ST8SIA4: variants seen among roughly 807,000 people sequenced by gnomAD.
ST8SIA4 encodes ST8 alpha-N-acetyl-neuraminide alpha-2,8-sialyltransferase 4, also known as CMP-N-acetylneuraminate-poly-alpha-2,8-sialyltransferase.
ST8SIA4 carries 15 observed loss-of-function variants against 33.9 expected under a neutral mutation model. That is an observed-to-expected ratio of 0.44 (90% CI 0.30 to 0.68). The LOEUF (loss-of-function observed/expected upper bound fraction) is 0.68. ST8SIA4 is among the 30% of genes least tolerant of loss of function. ST8SIA4 has a pLI of 0.10. For synonymous variants in ST8SIA4, 171 were observed against 151.2 expected (o/e 1.13, Z -0.96); for missense variants, 321 against 428.0 (o/e 0.75, Z 2.21).
intron 3 of ST8SIA4, chr5:100,885,390 T>G (rs1259782292): frequency 4.3e-6 from 4 of 933,762 alleles, no homozygotes; most frequent in Non-Finnish European, 5.1e-6. Flanking sequence ...TTCTCATGAC[T>G]TTTTTTTTAA....
chr5:100,811,773 T>G lies in ST8SIA4; in HGVS notation c.*74A>C. 8.3e-6 allele frequency: 12 copies of G among 1,451,458 alleles called. No individual in the cohort carries two copies. The highest frequency in any genetic ancestry group is 6.5e-6 in the Non-Finnish European group (7 of 1,079,014). The allele number at this position is 1,451,458 out of a possible 1,614,324, so 89.9% of individuals were successfully genotyped here. ...TGGTGGATGCTGAAACCCAGCCGTG[T>G]TTTGGATCCTATTTTCAAATCTTCG... On this transcript the variant is annotated 3_prime_UTR_variant, in exon 5 of 5. Coordinates refer to ENST00000231461, the MANE Select transcript of ST8SIA4 (RefSeq NM_005668.6).
At chr5:100,821,921 A>T (rs1401907850) in intron 4 of ST8SIA4, among the ~76,000 whole-genome samples, 1 of 152,240 alleles carries the variant, frequency 6.6e-6, no homozygotes, top group Non-Finnish European at 1.5e-5. Flanking sequence ...TTGAACACTC[A>T]GACAAGGGCT....
At chr5:100,829,736 C>T (rs1035870248) in intron 4 of ST8SIA4, among the ~76,000 whole-genome samples, 2 of 151,940 alleles carry the variant, frequency 1.3e-5, no homozygotes, top group Non-Finnish European at 2.9e-5. Context: ...GGTGAAACCC[C>T]GTCTCTACTA....
intron 3 of ST8SIA4, among the ~76,000 whole-genome samples, chr5:100,880,016 A>G (rs1172349077): frequency 6.6e-6 from 1 of 152,138 alleles, no homozygotes; most frequent in Non-Finnish European, 1.5e-5. Context: ...ATAAGGGATT[A>G]TCATTCATGC....
intron 4 of ST8SIA4, among the ~76,000 whole-genome samples, chr5:100,837,664 G>A (rs1751390920): frequency 6.6e-6 from 1 of 151,886 alleles, no homozygotes; most frequent in African/African-American, 2.4e-5. Context: ...TGGGCATGGT[G>A]GGAGTATTTA....
At position 100,853,196 on chromosome 5, in the gene ST8SIA4, C is replaced by T. The variant is rs114395485; in HGVS notation, c.797+2907G>A. Among the ~76,000 whole-genome samples, 1,150 of 152,246 alleles carry T rather than the reference C, an allele frequency of 7.6e-3. 8 individuals carry two copies. The highest frequency in any genetic ancestry group is 0.022 in the African/African-American group (931 of 41,550). On this transcript the variant is annotated intron_variant, in intron 4 of 4. Coordinates refer to ENST00000231461, the MANE Select transcript of ST8SIA4 (RefSeq NM_005668.6). ...ACAAAAATCATTTTTGTTTCATCAG[C>T]GCTCACACTTCCTTATTTTCATTTA... is the stretch of plus-strand genomic sequence containing the variant.
chr5:100,835,260 C>G (rs1266142453), intron 4 of ST8SIA4, among the ~76,000 whole-genome samples: 1 of 152,062 alleles, frequency 6.6e-6, no homozygotes, highest in East Asian at 1.9e-4. Flanking sequence ...AATCAATTTT[C>G]CATGGAATTG....
intron 4 of ST8SIA4, among the ~76,000 whole-genome samples, chr5:100,826,008 CTCTTT>C (rs1447714503): frequency 6.6e-6 from 1 of 152,148 alleles, no homozygotes; most frequent in East Asian, 1.9e-4. Flanking sequence ...TCATTTCTTT[CTCTTT>C]TAACATTTCA....
chr5:100,859,308 A>G (rs756162354), intron 3 of ST8SIA4, among the ~76,000 whole-genome samples: 2 of 152,112 alleles, frequency 1.3e-5, no homozygotes, highest in Non-Finnish European at 2.9e-5. Context: ...TGAGTAATAC[A>G]TGATACTCAT....
chr5:100,831,113 C>T (rs910817870), intron 4 of ST8SIA4, among the ~76,000 whole-genome samples: 1 of 152,192 alleles, frequency 6.6e-6, no homozygotes, highest in Non-Finnish European at 1.5e-5. Flanking sequence ...TAATTAGTTA[C>T]ATTATATAAT....
chr5:100,833,366 T>G (rs1389391981), intron 4 of ST8SIA4, among the ~76,000 whole-genome samples: 2 of 152,118 alleles, frequency 1.3e-5, no homozygotes, highest in Non-Finnish European at 2.9e-5. Flanking sequence ...CTCAAATTAT[T>G]TTACTCAATT....
At chr5:100,855,390 TGATCAGCTCTTCATTTTTGA>T in intron 4 of ST8SIA4, among the ~76,000 whole-genome samples, 1 of 152,198 alleles carries the variant, frequency 6.6e-6, no homozygotes, top group East Asian at 1.9e-4. Flanking sequence ...TTAAAGGTAG[TGATCAGCTCTTCATTTTTGA>T]AGCTACAGTA....
At chr5:100,869,515 T>C (rs1478716133) in intron 3 of ST8SIA4, among the ~76,000 whole-genome samples, 2 of 152,156 alleles carry the variant, frequency 1.3e-5, no homozygotes, top group Non-Finnish European at 2.9e-5. Context: ...TCCTCTAATA[T>C]CTTCCTCACT....
chr5:100,886,913 A>G (rs1752550467), intron 2 of ST8SIA4, among the ~76,000 whole-genome samples: 1 of 152,136 alleles, frequency 6.6e-6, no homozygotes, highest in Non-Finnish European at 1.5e-5. Flanking sequence ...TGGTTTATTA[A>G]GTAAAACACA....
intron 3 of ST8SIA4, among the ~76,000 whole-genome samples, chr5:100,867,223 C>A (rs17160705): frequency 6.6e-6 from 1 of 151,734 alleles, no homozygotes; most frequent in African/African-American, 2.4e-5. Flanking sequence ...CTGTGTATTG[C>A]GAAATAAAAC....
intron 4 of ST8SIA4, among the ~76,000 whole-genome samples, chr5:100,815,740 G>C (rs1750903454): frequency 6.6e-6 from 1 of 151,982 alleles, no homozygotes; most frequent in Non-Finnish European, 1.5e-5. Context: ...GCTATAGAAG[G>C]CTATATTTAT....
intron 3 of ST8SIA4, among the ~76,000 whole-genome samples, chr5:100,868,751 C>T (rs765842003): frequency 6.6e-6 from 1 of 152,064 alleles, no homozygotes; most frequent in East Asian, 1.9e-4. Context: ...TTTCCTCAGA[C>T]ACCCTAGCCC....
intron 3 of ST8SIA4, among the ~76,000 whole-genome samples, chr5:100,883,567 G>A (rs1018687848): frequency 6.6e-6 from 1 of 152,146 alleles, no homozygotes; most frequent in Admixed American, 6.5e-5. Context: ...AGGGGCCAGG[G>A]TGGAATGATA....
chr5:100,861,151 G>C (rs1479436678), intron 3 of ST8SIA4, among the ~76,000 whole-genome samples: 2 of 151,854 alleles, frequency 1.3e-5, no homozygotes, highest in African/African-American at 4.8e-5. Context: ...ACATTTGCAT[G>C]TTCAGTATGA....
Sources: gnomAD v4.1 joint callset for allele counts (sites outside exome capture counted in the v4.1 genomes callset) on GRCh38, gnomAD v4.1.1 for gene constraint, MANE v1.5 for transcripts, NCBI Gene and HGNC (gene_info 2026-07-23, HGNC 2026-07-21) for gene names.